The following UVRAG variants were observed in gnomAD, a reference collection of about 807,000 sequenced individuals.
UVRAG encodes UV radiation resistance-associated gene protein.
Under a neutral mutation model 78.0 loss-of-function variants are expected in UVRAG, and 19 were observed. That is an observed-to-expected ratio of 0.24 (90% CI 0.17 to 0.36). The LOEUF is 0.36. Among genes scored for constraint, UVRAG ranks in the 10% least tolerant of loss-of-function variants. The probability of loss-of-function intolerance (pLI) is 1.00; values close to 1 mark genes in which losing one functional copy is unlikely to be tolerated. For missense variants in UVRAG, 740 were observed against 853.8 expected, an observed-to-expected ratio of 0.87 and a Z score of 1.66; for synonymous variants, 323 against 324.6, an observed-to-expected ratio of 1.00 and a Z score of 0.05.
intron 6 of UVRAG, among the ~76,000 whole-genome samples, chr11:75,920,852 T>A (rs767984051): frequency 6.6e-6 from 1 of 152,258 alleles, no homozygotes; most frequent in Non-Finnish European, 1.5e-5. Flanking sequence ...CTTGGGTTTC[T>A]TGTTCAATAT....
chr11:76,106,775 A>C (rs982604568), intron 13 of UVRAG, among the ~76,000 whole-genome samples: 1 of 152,156 alleles, frequency 6.6e-6, no homozygotes, highest in Non-Finnish European at 1.5e-5. Flanking sequence ...GGGTAAATCG[A>C]GGTACACAGG....
chr11:76,116,906 G>A (rs1952192504), intron 14 of UVRAG, among the ~76,000 whole-genome samples: 1 of 152,180 alleles, frequency 6.6e-6, no homozygotes, highest in South Asian at 2.1e-4. Flanking sequence ...TTTCAAAACG[G>A]CAAGTTCCAG....
In UVRAG at chr11:75,844,149, AAAAC is replaced by A. The variant is rs769098012; in HGVS notation, c.118-7726_118-7723del. 2.6e-5 allele frequency among the ~76,000 whole-genome samples: 4 copies of A among 152,302 alleles called. No homozygotes were observed. In the East Asian group the frequency reaches 5.8e-4, roughly 22 times the overall value. Reference sequence around the variant, plus strand: ...ACTGTGGATCTACAAGGCCATAAACAAAACAAACAAAAATATAAAAACAAAATAA... The same window carrying A: ...ACTGTGGATCTACAAGGCCATAAACAAAACAAAAATATAAAAACAAAATAA... On this transcript the variant is annotated intron_variant, in intron 1 of 14. Transcript: ENST00000356136.
At chr11:76,040,471 CAAAA>C (rs1268306462) in intron 12 of UVRAG, among the ~76,000 whole-genome samples, 2 of 77,836 alleles carry the variant, frequency 2.6e-5, no homozygotes, top group African/African-American at 4.9e-5. Context: ...TACTCCATCT[CAAAA>C]AAAAAAAAAA....
At chr11:76,011,689 A>G (rs1433225667) in intron 11 of UVRAG, among the ~76,000 whole-genome samples, 1 of 152,174 alleles carries the variant, frequency 6.6e-6, no homozygotes, top group Non-Finnish European at 1.5e-5. Context: ...TACTAAATGT[A>G]TTGAGTGTTC....
intron 5 of UVRAG, among the ~76,000 whole-genome samples, chr11:75,910,539 C>CTTTT (rs935961405): frequency 8.1e-6 from 1 of 124,064 alleles, no homozygotes. Context: ...TCCTTTTTAT[C>CTTTT]TTTTTTTTTT....
At chr11:75,967,629 A>G (rs902412773) in intron 7 of UVRAG, among the ~76,000 whole-genome samples, 2 of 152,208 alleles carry the variant, frequency 1.3e-5, no homozygotes, top group Non-Finnish European at 2.9e-5. Context: ...GAATTCAGTA[A>G]TACATTTTTA....
intron 1 of UVRAG, among the ~76,000 whole-genome samples, chr11:75,829,648 T>G (rs1384421345): frequency 1.3e-5 from 2 of 152,202 alleles, no homozygotes; most frequent in Non-Finnish European, 2.9e-5. Context: ...AGCTTTTCTG[T>G]GAAGGACCAG....
At chr11:75,826,358 T>A (rs1203633015) in intron 1 of UVRAG, among the ~76,000 whole-genome samples, 1 of 150,772 alleles carries the variant, frequency 6.6e-6, no homozygotes, top group East Asian at 2.0e-4. Context: ...GGTTTTACCA[T>A]GTTGGCCAGG....
intron 5 of UVRAG, among the ~76,000 whole-genome samples, chr11:75,900,621 A>G (rs892554197): frequency 1.3e-5 from 2 of 152,164 alleles, no homozygotes; most frequent in Admixed American, 6.5e-5. Context: ...CTCTGTTTTA[A>G]GGTAGACTTT....
intron 6 of UVRAG, among the ~76,000 whole-genome samples, chr11:75,930,517 T>G (rs1948210674): frequency 6.6e-6 from 1 of 152,212 alleles, no homozygotes; most frequent in Non-Finnish European, 1.5e-5. Flanking sequence ...TATAGAACTG[T>G]TTTTATATAG....
chr11:75,877,040 G>A (rs1432076482), intron 3 of UVRAG, among the ~76,000 whole-genome samples: 1 of 150,666 alleles, frequency 6.6e-6, no homozygotes, highest in African/African-American at 2.5e-5. Flanking sequence ...ATTAGGGAGT[G>A]GTGATGACTC....
At chr11:76,088,233 G>A (rs1416838206) in intron 13 of UVRAG, among the ~76,000 whole-genome samples, 3 of 152,078 alleles carry the variant, frequency 2.0e-5, no homozygotes, top group Non-Finnish European at 2.9e-5. Flanking sequence ...CCATTATAGC[G>A]CCCCTATAGT....
At chr11:75,910,165 T>C (rs1294652141) in intron 5 of UVRAG, among the ~76,000 whole-genome samples, 1 of 152,242 alleles carries the variant, frequency 6.6e-6, no homozygotes, top group Non-Finnish European at 1.5e-5. Flanking sequence ...GTCACAGTTA[T>C]TAGCATAAAG....
chr11:75,939,283 A>G (rs1050272665), intron 6 of UVRAG, among the ~76,000 whole-genome samples: 1 of 152,080 alleles, frequency 6.6e-6, no homozygotes, highest in Non-Finnish European at 1.5e-5. Flanking sequence ...CTACCTCTGT[A>G]TCATTTTCTT....
intron 8 of UVRAG, among the ~76,000 whole-genome samples, chr11:75,984,963 T>A (rs1024892556): frequency 6.6e-6 from 1 of 152,186 alleles, no homozygotes; most frequent in Non-Finnish European, 1.5e-5. Context: ...AGAACTTTCA[T>A]ACGTTTCTTA....
intron 7 of UVRAG, 99 bp downstream of exon 7, chr11:75,961,648 TTATCTTC>T: frequency 1.2e-6 from 1 of 856,206 alleles, no homozygotes; most frequent in Non-Finnish European, 1.7e-6. Context: ...TAGATCGTTT[TTATCTTC>T]TTAATTGTCC....
At chr11:75,877,457 G>T (rs1946816350) in intron 3 of UVRAG, among the ~76,000 whole-genome samples, 3 of 151,022 alleles carry the variant, frequency 2.0e-5, no homozygotes, top group African/African-American at 7.3e-5. Context: ...CTCCCGGACG[G>T]GGGGTGACCC....
Position 75,961,432 on chromosome 11 carries a change from T to G in UVRAG, c.594-12T>G, listed in dbSNP as rs778718075. On this transcript the variant is annotated splice_polypyrimidine_tract_variant and intron_variant, in intron 6 of 14. Coordinates refer to ENST00000356136, the MANE Select transcript of UVRAG (RefSeq NM_003369.4). ...TAACTCATTTACATTTTTCTATAAC[T>G]TATATTTCTAGGCTTCATAGAGCCC... The G allele has an allele frequency of 6.3e-7, 1 of 1,579,260 alleles. No individual in the cohort carries two copies. The highest frequency in any genetic ancestry group is 2.0e-5 in the Admixed American group (1 of 48,944).
Sources: allele counts gnomAD v4.1 joint callset (sites outside exome capture counted in the v4.1 genomes callset), GRCh38; gene constraint gnomAD v4.1.1; transcripts MANE v1.5; gene names NCBI Gene and HGNC (gene_info 2026-07-23, HGNC 2026-07-21).